Variants in SKAP2 observed in about 807,000 individuals in gnomAD.
SKAP2 encodes the protein src kinase associated phosphoprotein 2, also known as src kinase-associated phosphoprotein 2.
In SKAP2, 28 loss-of-function variants were observed where a neutral mutation model predicts 54.9. The observed-to-expected ratio is 0.51, with a 90% CI of 0.38 to 0.70. The LOEUF is 0.70. SKAP2 is among the 30% of genes least tolerant of loss of function. The probability of loss-of-function intolerance (pLI) is 0.00; values close to 1 mark genes in which losing one functional copy is unlikely to be tolerated. For missense variants in SKAP2, 356 were observed against 424.1 expected (o/e 0.84, Z 1.41); for synonymous variants, 137 against 134.3 (o/e 1.02, Z -0.14).
At chr7:26,698,047 T>G (rs1454698775) in intron 9 of SKAP2, among the ~76,000 whole-genome samples, 1 of 152,212 alleles carries the variant, frequency 6.6e-6, no homozygotes, top group African/African-American at 2.4e-5. Flanking sequence ...TTATGATTAT[T>G]TGATTGTAAT....
intron 4 of SKAP2, among the ~76,000 whole-genome samples, chr7:26,841,720 A>G (rs978616194): frequency 1.3e-5 from 2 of 152,086 alleles, no homozygotes; most frequent in African/African-American, 4.8e-5. Context: ...GAATGCACAT[A>G]GAGATGTGCA....
intron 4 of SKAP2, among the ~76,000 whole-genome samples, chr7:26,785,114 C>T (rs1002359069): frequency 2.0e-5 from 3 of 152,114 alleles, no homozygotes; most frequent in South Asian, 2.1e-4. Flanking sequence ...TCATTAAAAA[C>T]CTACTAAACT....
At chr7:26,788,863 T>C (rs909655524) in intron 4 of SKAP2, among the ~76,000 whole-genome samples, 20 of 152,140 alleles carry the variant, frequency 1.3e-4, no homozygotes, top group African/African-American at 4.6e-4. Flanking sequence ...AGTTCTATGG[T>C]ATACAAAATA....
chr7:26,693,332 C>CAAAAAA (rs34775523), intron 9 of SKAP2, among the ~76,000 whole-genome samples: 2 of 79,872 alleles, frequency 2.5e-5, no homozygotes, highest in African/African-American at 4.3e-5. Flanking sequence ...AGCTCCATCT[C>CAAAAAA]AAAAAAAAAA....
intron 11 of SKAP2, among the ~76,000 whole-genome samples, chr7:26,671,117 C>G (rs2128083587): frequency 6.6e-6 from 1 of 152,182 alleles, no homozygotes; most frequent in African/African-American, 2.4e-5. Context: ...TCTCATATGT[C>G]TGCCAGATTG....
chr7:26,799,831 A>G (rs901478041), intron 4 of SKAP2, among the ~76,000 whole-genome samples: 1 of 152,204 alleles, frequency 6.6e-6, no homozygotes, highest in Non-Finnish European at 1.5e-5. Context: ...GTCTTAAAAC[A>G]TTCAAAAAAA....
chr7:26,670,096 A>C lies in SKAP2; in HGVS notation c.*4T>G. 13 of 1,306,020 alleles carry C rather than the reference A, an allele frequency of 1.0e-5. No individual in the cohort carries two copies. Among genetic ancestry groups the C allele is most frequent in the Non-Finnish European group, 1.3e-5 (12 of 899,304 alleles). 80.9% of individuals were successfully genotyped at this position (1,306,020 alleles called of 1,614,324 possible). A position where few individuals can be genotyped will look rare whatever the true frequency, so the allele number is the denominator to read the frequency against. On this transcript the variant is annotated 3_prime_UTR_variant, in exon 12 of 13. Coordinates refer to ENST00000345317, the MANE Select transcript of SKAP2 (RefSeq NM_003930.5). ...TTGGATTAAAATGTACTTACCCAGG[A>C]CTCTCAAATATCATACATCTCCATT...
At position 26,751,322 on chromosome 7, in the gene SKAP2, T is replaced by C. The variant is rs555440908; in HGVS notation, c.308-11358A>G. Among the ~76,000 whole-genome samples the C allele has an allele frequency of 4.6e-5, 7 of 151,810 alleles. No homozygotes were observed. The East Asian group carries it at 1.2e-3, about 26-fold the overall frequency. ...TGTGTAGTTTGAAAACTATCAGACA[T>C]GAAATTATTTTATGACTAACTTATT... On this transcript the variant is annotated intron_variant, in intron 4 of 12. Coordinates refer to ENST00000345317, the MANE Select transcript of SKAP2 (RefSeq NM_003930.5).
intron 6 of SKAP2, among the ~76,000 whole-genome samples, chr7:26,737,836 A>G (rs1787975254): frequency 6.6e-6 from 1 of 152,216 alleles, no homozygotes; most frequent in Non-Finnish European, 1.5e-5. Context: ...GTGAACTACA[A>G]CTGAGAGATT....
At chr7:26,810,716 T>C (rs545608129) in intron 4 of SKAP2, among the ~76,000 whole-genome samples, 215 of 152,306 alleles carry the variant, frequency 1.4e-3, no homozygotes, top group African/African-American at 4.9e-3. Context: ...ACAGTCTCAC[T>C]CTGTCACCAG....
intron 4 of SKAP2, among the ~76,000 whole-genome samples, chr7:26,752,609 C>G (rs1782710732): frequency 1.3e-5 from 2 of 152,144 alleles, no homozygotes. Context: ...AATATTAAAT[C>G]TCAAGAAAAA....
chr7:26,775,083 A>C (rs1315352464), intron 4 of SKAP2, among the ~76,000 whole-genome samples: 1 of 152,218 alleles, frequency 6.6e-6, no homozygotes, highest in Non-Finnish European at 1.5e-5. Flanking sequence ...AGAGATTTAC[A>C]TGCACACAAA....
At position 26,770,279 on chromosome 7, in the gene SKAP2, C is replaced by T. The variant is rs143751539; in HGVS notation, c.308-30315G>A. Among the ~76,000 whole-genome samples, 72 of 152,208 alleles carry T rather than the reference C, an allele frequency of 4.7e-4. No individual in the cohort carries two copies. In the East Asian group the frequency reaches 7.2e-3, roughly 15 times the overall value. On this transcript the variant is annotated intron_variant, in intron 4 of 12. Transcript: ENST00000345317. ...TGAGGGGAAAACTGCCTATTCAAGC[C>T]TCAGTAATGGTGGACACCCCTTCCC...
rs751038305 is a variant in SKAP2, at chr7:26,740,002, G to A, written c.308-38C>T. 3.4e-5 allele frequency: 45 copies of A among 1,306,396 alleles called. No homozygotes were observed. The Admixed American group carries it at 9.2e-4, about 27-fold the overall frequency. The allele number at this position is 1,306,396 out of a possible 1,614,324, so 80.9% of individuals were successfully genotyped here. On this transcript the variant is annotated intron_variant, in intron 4 of 12. Transcript: ENST00000345317. Reference sequence around the variant, plus strand: ...GGGGAGAGAAAAAAAAAAGCAGTGGGTAATCCATTTCAGAATAAACAAGTG... The same window carrying A: ...GGGGAGAGAAAAAAAAAAGCAGTGGATAATCCATTTCAGAATAAACAAGTG...
intron 11 of SKAP2, among the ~76,000 whole-genome samples, chr7:26,681,359 G>A (rs750715120): frequency 2.6e-5 from 4 of 152,268 alleles, no homozygotes; most frequent in Non-Finnish European, 5.9e-5. Flanking sequence ...CAGGAGAATC[G>A]CTTAAACCTG....
At chr7:26,748,486 A>G (rs1324334515) in intron 4 of SKAP2, among the ~76,000 whole-genome samples, 1 of 152,086 alleles carries the variant, frequency 6.6e-6, no homozygotes, top group East Asian at 1.9e-4. Context: ...CTATTTTAGT[A>G]AAGGGATCTT....
intron 4 of SKAP2, 38 bp downstream of exon 4, chr7:26,843,992 G>T: frequency 1.6e-6 from 2 of 1,233,908 alleles, no homozygotes; most frequent in Non-Finnish European, 2.4e-6. Context: ...GCATTGTTTT[G>T]TGTGAGTGTC....
intron 4 of SKAP2, among the ~76,000 whole-genome samples, chr7:26,828,656 G>A (rs1386516915): frequency 1.4e-5 from 2 of 146,800 alleles, no homozygotes; most frequent in African/African-American, 2.5e-5. Flanking sequence ...TAGCCTGGGC[G>A]ACAGAGTGAG....
In SKAP2 at chr7:26,739,799, C is replaced by T. The variant is rs79826704; in HGVS notation, c.385+88G>A. On this transcript the variant is annotated intron_variant, in intron 5 of 12. Transcript: ENST00000345317. Reference sequence around the variant, plus strand: ...CTTTAAACTCTTTAATCACCTAAAACGAATACTGCCTCCACATGTATACTA... The same window carrying T: ...CTTTAAACTCTTTAATCACCTAAAATGAATACTGCCTCCACATGTATACTA... 9.5e-4 allele frequency: 859 copies of T among 907,432 alleles called. 10 individuals are homozygous for T. The African/African-American group carries it at 0.012, about 13-fold the overall frequency. 56.2% of individuals were successfully genotyped at this position (907,432 alleles called of 1,614,324 possible).
Sources: allele counts gnomAD v4.1 joint callset (sites outside exome capture counted in the v4.1 genomes callset), GRCh38; gene constraint gnomAD v4.1.1; transcripts MANE v1.5; gene names NCBI Gene and HGNC (gene_info 2026-07-23, HGNC 2026-07-21).